FMNL1: variants seen among roughly 807,000 people sequenced by gnomAD.
FMNL1 encodes the protein formin-like protein 1.
A neutral mutation model predicts 121.3 loss-of-function variants in FMNL1; 43 were observed. The ratio of observed to expected loss-of-function variants is 0.35; its 90% CI spans 0.28 to 0.46. The LOEUF (loss-of-function observed/expected upper bound fraction) is 0.46. Ranked by LOEUF, FMNL1 falls within the 20% of genes least tolerant of loss-of-function variation. The pLI is 1.00. For missense variants in FMNL1, 1,191 were observed against 1,482.4 expected (o/e 0.80, Z 3.23); for synonymous variants, 613 against 613.5 (o/e 1.00, Z 0.01).
intron 10 of FMNL1, 54 bp downstream of exon 10, chr17:45,238,692 G>A (rs1023940493): frequency 6.2e-7 from 1 of 1,608,536 alleles, no homozygotes. Context: ...CTTGGGTGCA[G>A]GGAGCAGCTA....
At chr17:45,240,785 C>T in intron 12 of FMNL1, 160 bp downstream of exon 12, 1 of 1,086,512 alleles carries the variant, frequency 9.2e-7, no homozygotes, top group Non-Finnish European at 1.3e-6. Context: ...AATCCAAAGC[C>T]TGAATCTGTT....
Position 45,222,199 on chromosome 17 carries a change from C to G in FMNL1, c.75C>G (p.Pro25=), listed in dbSNP as rs1359554602. Residue 25 remains proline (P), a synonymous_variant, in exon 1 of 27, where the codon CCC becomes CCG. Transcript: ENST00000331495. ...AAPPPKQPAP[P]KQPMPAAGEL... The stretch of plus-strand genomic sequence containing the variant: ...CGCCCCCCAAGCAGCCCGCGCCTCC[C>G]AAGCAGCCGATGCCCGCGGCCGGAG... 4 of 1,257,422 alleles carry G rather than the reference C, an allele frequency of 3.2e-6. No homozygotes were observed. Among genetic ancestry groups the G allele is most frequent in the Non-Finnish European group, 4.0e-6 (4 of 996,604 alleles). 77.9% of individuals were successfully genotyped at this position (1,257,422 alleles called of 1,614,324 possible).
At chr17:45,238,881 G>A (rs1793685795) in intron 10 of FMNL1, 74 bp from the exon 11 acceptor site, 4 of 1,299,152 alleles carry the variant, frequency 3.1e-6, no homozygotes, top group Non-Finnish European at 4.5e-6. Context: ...GGAGGCTTGG[G>A]GTAAGTGGAG....
Position 45,245,132 on chromosome 17 carries a change from G to T in FMNL1, c.2728+24G>T, listed in dbSNP as rs758051178. 3.1e-6 allele frequency: 5 copies of T among 1,612,470 alleles called. No homozygotes were observed. In the South Asian group the frequency reaches 5.5e-5, roughly 18 times the overall value. Reference sequence around the variant, plus strand: ...AGGTAGGAGACACACAGATCCTTGGGTGTGGGGAGGGGCCGTGGGCTGGGG... The same window carrying T: ...AGGTAGGAGACACACAGATCCTTGGTTGTGGGGAGGGGCCGTGGGCTGGGG... On this transcript the variant is annotated intron_variant, in intron 21 of 26. Coordinates refer to ENST00000331495, the MANE Select transcript of FMNL1 (RefSeq NM_005892.4).
rs1567974694 is a variant in FMNL1, at chr17:45,245,987, C to T, written c.3090+14C>T. 1.1e-5 allele frequency: 17 copies of T among 1,542,234 alleles called. No homozygotes were observed. Among genetic ancestry groups the T allele is most frequent in the Non-Finnish European group, 1.4e-5 (16 of 1,150,914 alleles). On this transcript the variant is annotated intron_variant, in intron 24 of 26. Coordinates refer to ENST00000331495, the MANE Select transcript of FMNL1 (RefSeq NM_005892.4). ...CCAGCACCCAAGGTAGGCAACTGCT[C>T]CTGGGCTTGGTACTGGGCTGCAGGG... is the stretch of plus-strand genomic sequence containing the variant.
intron 16 of FMNL1, among the ~76,000 whole-genome samples, 188 bp downstream of exon 16, chr17:45,242,653 C>T (rs79864138): frequency 0.011 from 1,679 of 152,322 alleles, 29 homozygotes; most frequent in African/African-American, 0.038. Flanking sequence ...CTTTCCCAAA[C>T]GCCTTCCCCT....
chr17:45,233,843 C>G lies in FMNL1; in HGVS notation c.485+112C>G. On this transcript the variant is annotated intron_variant, in intron 5 of 26. Transcript: ENST00000331495. This position sits in a 1 kb window ranked among gnomAD's most constrained non-coding sequence, Gnocchi z 4.1. ...TCAAGCCAGGCAGCCCGAGCCTACC[C>G]TGGAACCCTCCACTTGGCCTTGAGC... 7.0e-7 allele frequency: 1 copy of G among 1,437,120 alleles called. No homozygotes were observed. Among genetic ancestry groups the G allele is most frequent in the African/African-American group, 1.4e-5 (1 of 70,930 alleles). 89.0% of individuals were successfully genotyped at this position (1,437,120 alleles called of 1,614,324 possible).
Position 45,240,563 on chromosome 17 carries a change from G to A in FMNL1, c.1168G>A (p.Asp390Asn), listed in dbSNP as rs886583447. Residue 390 changes from aspartate to asparagine, a missense_variant, in exon 12 of 27, where the codon GAC becomes AAC. Physicochemically the swap from Asp to Asn is conservative, Grantham distance 23. This residue lies in a region of FMNL1 where 519 missense variants were observed against 492.8 expected (regional missense o/e 1.05). Transcript: ENST00000331495. ...TTTTGATGTGGGGGCGCTGCTGGAG[G>A]ACACAGAGACCAAGAACGCTGTGCT... is the stretch of plus-strand genomic sequence containing the variant. ...NIFDVGALLE[D>N]TETKNAVLEH... is the part of the protein sequence containing the mutation. 1.7e-5 allele frequency: 27 copies of A among 1,613,880 alleles called. No homozygotes were observed. The highest frequency in any genetic ancestry group is 2.2e-5 in the Non-Finnish European group (26 of 1,180,002).
Position 45,221,959 on chromosome 17 carries a change from G to T in FMNL1, c.-166G>T, listed in dbSNP as rs1025965637. 5 of 414,934 alleles carry T rather than the reference G, an allele frequency of 1.2e-5. No homozygotes were observed. Among genetic ancestry groups the T allele is most frequent in the South Asian group, 1.1e-4 (1 of 9,002 alleles). The allele number at this position is 414,934 out of a possible 1,614,324, so 25.7% of individuals were successfully genotyped here. On this transcript the variant is annotated 5_prime_UTR_variant, in exon 1 of 27. Coordinates refer to ENST00000331495, the MANE Select transcript of FMNL1 (RefSeq NM_005892.4). Reference sequence around the variant, plus strand: ...CCGCCCCGATGGGACGCCGCGCTCCGGCCCCTGCGCGCCGCTGAGCCGAGC... The same window carrying T: ...CCGCCCCGATGGGACGCCGCGCTCCTGCCCCTGCGCGCCGCTGAGCCGAGC...
Position 45,234,217 on chromosome 17 carries a change from G to A in FMNL1, c.614+17G>A. On this transcript the variant is annotated intron_variant, in intron 6 of 26. Transcript: ENST00000331495. ...GACCATCAAGTATGTGGGCCACAAA[G>A]TGGGGTGGTGGGAGAACAGAGAATT... 2 of 1,613,942 alleles carry A rather than the reference G, an allele frequency of 1.2e-6. No homozygotes were observed. Among genetic ancestry groups the A allele is most frequent in the Non-Finnish European group, 1.7e-6 (2 of 1,180,010 alleles).
intron 1 of FMNL1, 25 bp from the exon 2 acceptor site, chr17:45,230,579 G>A: frequency 2.5e-6 from 4 of 1,612,816 alleles, no homozygotes; most frequent in South Asian, 2.2e-5. Flanking sequence ...CCAGGCTCAG[G>A]GGTCTTTGTC....
rs753488241 is a variant in FMNL1, at chr17:45,244,879, C to A, written c.2578C>A (p.Arg860=). Residue 860 remains arginine (R), a synonymous_variant, in exon 20 of 27, where the codon CGG becomes AGG. Coordinates refer to ENST00000331495, the MANE Select transcript of FMNL1 (RefSeq NM_005892.4). ...CAAGCGTGGGGCAGCCTATGGCTTCCGGCTCCAGAGCCTGGATGCGGTGAG... is the reference window on the plus strand; with the variant it reads ...CAAGCGTGGGGCAGCCTATGGCTTCAGGCTCCAGAGCCTGGATGCGGTGAG... The part of the protein sequence containing the change: ...SSKRGAAYGF[R]LQSLDALLEM... 1 of 1,613,786 alleles carries A rather than the reference C, an allele frequency of 6.2e-7. No individual in the cohort carries two copies. Among genetic ancestry groups the A allele is most frequent in the South Asian group, 1.1e-5 (1 of 91,048 alleles).
At chr17:45,229,482 T>C (rs550609079) in intron 1 of FMNL1, among the ~76,000 whole-genome samples, 103 of 152,326 alleles carry the variant, frequency 6.8e-4, no homozygotes, top group African/African-American at 2.2e-3. Flanking sequence ...TGAACCACCA[T>C]GGCTGGTGAG....
At chr17:45,246,843 A>T (rs1376508806) in intron 26 of FMNL1, 24 bp from the exon 27 acceptor site, 1 of 711,164 alleles carries the variant, frequency 1.4e-6, no homozygotes, top group Non-Finnish European at 2.6e-6. Context: ...CCTGAATGGT[A>T]AATGTGTCTC....
intron 26 of FMNL1, 105 bp downstream of exon 26, chr17:45,246,709 T>A: frequency 8.3e-7 from 1 of 1,205,600 alleles, no homozygotes; most frequent in Non-Finnish European, 1.2e-6. Flanking sequence ...ATGGCTGGGA[T>A]GTGATTTGTG....
At chr17:45,222,375 C>A in intron 1 of FMNL1, 122 bp downstream of exon 1, 1 of 846,766 alleles carries the variant, frequency 1.2e-6, no homozygotes, top group Non-Finnish European at 1.5e-6. Flanking sequence ...GGTCCGGCAG[C>A]TGCCCCCTCC....
Position 45,241,730 on chromosome 17 carries a change from G to T in FMNL1, c.1585+96G>T. ...GGGCAGAGTTGGGCGAGGGAGGTTT[G>T]GATTGTAGGCTCGGCTCAGGTAGGA... On this transcript the variant is annotated intron_variant, in intron 14 of 26. Transcript: ENST00000331495. This position sits in a 1 kb window ranked among gnomAD's most constrained non-coding sequence, Gnocchi z 7.0. The T allele has an allele frequency of 7.0e-7, 1 of 1,434,506 alleles. No individual in the cohort carries two copies. Among genetic ancestry groups the T allele is most frequent in the Non-Finnish European group, 9.1e-7 (1 of 1,098,322 alleles). The allele number at this position is 1,434,506 out of a possible 1,614,324, so 88.9% of individuals were successfully genotyped here.
rs2043430897 is a variant in FMNL1, at chr17:45,231,249, C to T, written c.213+562C>T. Among the ~76,000 whole-genome samples the T allele has an allele frequency of 6.6e-6, 1 of 152,014 alleles. No homozygotes were observed. The highest frequency in any genetic ancestry group is 2.4e-5 in the African/African-American group (1 of 41,292). On this transcript the variant is annotated intron_variant, in intron 2 of 26. Transcript: ENST00000331495. This position sits in a 1 kb window ranked among gnomAD's most constrained non-coding sequence, Gnocchi z 4.7. ...CTCCAGCTTCAAGGGCTGCGGTCGGCCATGGGCCGACCCTCTCCCAGCGCT... is the reference window on the plus strand; with the variant it reads ...CTCCAGCTTCAAGGGCTGCGGTCGGTCATGGGCCGACCCTCTCCCAGCGCT...
chr17:45,235,331 A>G (rs144607254), intron 6 of FMNL1, among the ~76,000 whole-genome samples: 74 of 152,332 alleles, frequency 4.9e-4, no homozygotes, highest in African/African-American at 1.8e-3. Context: ...AGAAAAGGTG[A>G]CGCTGGAACT....
Sources: allele counts gnomAD v4.1 joint callset (sites outside exome capture counted in the v4.1 genomes callset), GRCh38; gene constraint gnomAD v4.1.1; regional missense constraint gnomAD v4.1.1; non-coding constraint Gnocchi (gnomAD v3.1); transcripts MANE v1.5; gene names NCBI Gene and HGNC (gene_info 2026-07-23, HGNC 2026-07-21).